EPB41L4A: variants seen among roughly 807,000 people sequenced by gnomAD.
EPB41L4A encodes band 4.1-like protein 4A.
A neutral mutation model predicts 108.6 loss-of-function variants in EPB41L4A; 100 were observed. The observed-to-expected ratio is 0.92, with a 90% confidence interval of 0.78 to 1.09. The LOEUF (loss-of-function observed/expected upper bound fraction) is 1.09, where lower values mean the gene tolerates loss of function less well. Among genes scored for constraint, EPB41L4A ranks in the 50% least tolerant of loss-of-function variants. The probability of loss-of-function intolerance (pLI) is 0.00; values close to 1 mark genes in which losing one functional copy is unlikely to be tolerated. For synonymous variants in EPB41L4A, 319 were observed against 289.0 expected, an observed-to-expected ratio of 1.10 and a Z score of -1.05; for missense variants, 1,030 against 842.7, an observed-to-expected ratio of 1.22 and a Z score of -2.75.
At chr5:112,253,604 C>G (rs972582053) in intron 9 of EPB41L4A, among the ~76,000 whole-genome samples, 1 of 152,064 alleles carries the variant, frequency 6.6e-6, no homozygotes, top group Admixed American at 6.5e-5. Context: ...GCAGTTACAT[C>G]GGAATATCCC....
At chr5:112,316,930 G>A (rs956273458) in intron 1 of EPB41L4A, among the ~76,000 whole-genome samples, 1 of 152,170 alleles carries the variant, frequency 6.6e-6, no homozygotes, top group Admixed American at 6.5e-5. Context: ...ATCTGACTTC[G>A]TGACATGGTG....
downstream of EPB41L4A, among the ~76,000 whole-genome samples, chr5:112,158,864 TGAG>T (rs141828773): frequency 0.024 from 3,696 of 152,240 alleles, 211 homozygotes; most frequent in East Asian, 0.24. Context: ...GAGATTTGGG[TGAG>T]GACACAGCCA....
intron 12 of EPB41L4A, among the ~76,000 whole-genome samples, chr5:112,227,695 TGA>T (rs1368925385): frequency 1.3e-5 from 2 of 152,220 alleles, no homozygotes; most frequent in East Asian, 3.8e-4. Context: ...CAAGCCACAC[TGA>T]GGTTCTGCTG....
intron 9 of EPB41L4A, among the ~76,000 whole-genome samples, chr5:112,246,674 C>G (rs774449034): frequency 1.3e-4 from 20 of 152,244 alleles, no homozygotes; most frequent in Non-Finnish European, 2.5e-4. Context: ...TACAGTCACC[C>G]CAGACACAAA....
chr5:112,184,256 C>G lies in EPB41L4A; in HGVS notation c.1503-121G>C, dbSNP rs981158757. ...GAAATTTTATTATGATCATTTATAG[C>G]TAAAGATGCATATTAACTGAATTAA... On this transcript the variant is annotated intron_variant, in intron 17 of 22. Coordinates refer to ENST00000261486, the MANE Select transcript of EPB41L4A (RefSeq NM_022140.5). 10 of 1,138,888 alleles carry G rather than the reference C, an allele frequency of 8.8e-6. No individual in the cohort carries two copies. In the Admixed American group the frequency reaches 2.4e-4, roughly 28 times the overall value. 70.5% of individuals were successfully genotyped at this position (1,138,888 alleles called of 1,614,324 possible).
intron 1 of EPB41L4A, among the ~76,000 whole-genome samples, chr5:112,351,571 T>C (rs1758045834): frequency 6.6e-6 from 1 of 152,138 alleles, no homozygotes; most frequent in Non-Finnish European, 1.5e-5. Context: ...CTAAAACTAT[T>C]TCAAAAACCT....
chr5:112,385,856 G>C (rs1007721774), intron 1 of EPB41L4A, among the ~76,000 whole-genome samples: 2 of 152,162 alleles, frequency 1.3e-5, no homozygotes, highest in Non-Finnish European at 2.9e-5. Context: ...GTTCAAATCG[G>C]TAGGATGTTT....
chr5:112,419,741 G>GGGCAGCA, upstream of EPB41L4A: 1 of 456,780 alleles, frequency 2.2e-6, no homozygotes, highest in Non-Finnish European at 4.4e-6. Flanking sequence ...GAGGCGGAAA[G>GGGCAGCA]GGCAGCAGGC....
At chr5:112,155,687 G>C (rs1759622158) in intron 12 of EPB41L4A, among the ~76,000 whole-genome samples, 1 of 152,002 alleles carries the variant, frequency 6.6e-6, no homozygotes, top group Non-Finnish European at 1.5e-5. Context: ...AAGCAGAAAA[G>C]CAATTACAAT....
At chr5:112,339,811 T>C (rs1227682466) in intron 1 of EPB41L4A, among the ~76,000 whole-genome samples, 2 of 152,058 alleles carry the variant, frequency 1.3e-5, no homozygotes, top group Non-Finnish European at 2.9e-5. Context: ...ACTAGGATTA[T>C]AGGCGTGAGC....
intron 12 of EPB41L4A, among the ~76,000 whole-genome samples, chr5:112,220,417 T>C (rs1340737294): frequency 1.3e-5 from 2 of 152,280 alleles, no homozygotes; most frequent in African/African-American, 4.8e-5. Context: ...TCAAAGCTTA[T>C]GGACAAAGCA....
chr5:112,173,519 T>C (rs995316753), intron 18 of EPB41L4A: 2 of 151,592 alleles, frequency 1.3e-5, no homozygotes, highest in African/African-American at 4.8e-5. Context: ...GAGAATTTCT[T>C]ACCTTAGTTA....
At chr5:112,276,099 T>C (rs1006689557) in intron 3 of EPB41L4A, among the ~76,000 whole-genome samples, 4 of 152,246 alleles carry the variant, frequency 2.6e-5, no homozygotes, top group South Asian at 4.1e-4. Flanking sequence ...AATTTTCTTA[T>C]GATAACTCTT....
rs1759998099 is a variant in EPB41L4A at position 112,162,886 on chromosome 5, AC to A, written c.*2103del. 1 of 152,206 alleles carries A rather than the reference AC, an allele frequency of 6.6e-6. No homozygotes were observed. The highest frequency in any genetic ancestry group is 1.5e-5 in the Non-Finnish European group (1 of 68,046). The allele number at this position is 152,206 out of a possible 1,614,324, so 9.4% of individuals were successfully genotyped here. A position where few individuals can be genotyped will look rare whatever the true frequency, so the allele number is the denominator to read the frequency against. Reference sequence around the variant, plus strand: ...CAGAGGCTTGGGCTAGAAAAAAGATACCGTTAGTCCACTTACTTTTGAGACA... The same window carrying A: ...CAGAGGCTTGGGCTAGAAAAAAGATACGTTAGTCCACTTACTTTTGAGACA... On this transcript the variant is annotated 3_prime_UTR_variant, in exon 23 of 23. Coordinates refer to ENST00000261486, the MANE Select transcript of EPB41L4A (RefSeq NM_022140.5).
chr5:112,182,630 T>C (rs932254109), intron 18 of EPB41L4A, among the ~76,000 whole-genome samples: 1 of 152,212 alleles, frequency 6.6e-6, no homozygotes. Context: ...TTGCCAAACC[T>C]TGTGTATAAC....
chr5:112,220,907 C>T (rs1747997479), intron 12 of EPB41L4A, among the ~76,000 whole-genome samples: 1 of 152,192 alleles, frequency 6.6e-6, no homozygotes, highest in African/African-American at 2.4e-5. Flanking sequence ...AGCCCCCCTC[C>T]AGGTTATTAC....
intron 1 of EPB41L4A, among the ~76,000 whole-genome samples, chr5:112,328,891 G>T (rs1756368884): frequency 6.6e-6 from 1 of 152,194 alleles, no homozygotes; most frequent in Admixed American, 6.5e-5. Flanking sequence ...CACAAGTTTT[G>T]AAAACAGGTT....
intron 1 of EPB41L4A, among the ~76,000 whole-genome samples, chr5:112,354,135 C>G (rs1758223875): frequency 6.6e-6 from 1 of 152,152 alleles, no homozygotes; most frequent in Non-Finnish European, 1.5e-5. Context: ...AGTACTAACC[C>G]CACAGGGGCT....
chr5:112,154,924 A>T (rs1759597643), intron 12 of EPB41L4A, among the ~76,000 whole-genome samples: 1 of 152,220 alleles, frequency 6.6e-6, no homozygotes, highest in South Asian at 2.1e-4. Flanking sequence ...ACTGTAAGGA[A>T]CAACTTCCTA....
Sources: gnomAD v4.1 joint callset for allele counts (sites outside exome capture counted in the v4.1 genomes callset) on GRCh38, gnomAD v4.1.1 for gene constraint, MANE v1.5 for transcripts, NCBI Gene and HGNC (gene_info 2026-07-23, HGNC 2026-07-21) for gene names.